FBXO42: variants seen among roughly 807,000 people sequenced by gnomAD.
The protein encoded by FBXO42 is F-box only protein 42.
In FBXO42, 12 loss-of-function variants were observed where a neutral mutation model predicts 71.7. That is an observed-to-expected ratio of 0.17 (90% CI 0.11 to 0.27). The LOEUF (loss-of-function observed/expected upper bound fraction) is 0.27. Among genes scored for constraint, FBXO42 ranks in the 10% least tolerant of loss-of-function variants. FBXO42 has a pLI of 1.00. For missense variants in FBXO42, 707 were observed against 911.9 expected, an observed-to-expected ratio of 0.78 and a Z score of 2.89; for synonymous variants, 325 against 327.5, an observed-to-expected ratio of 0.99 and a Z score of 0.08.
chr1:16,311,431 T>A (rs1294865839), intron 2 of FBXO42, among the ~76,000 whole-genome samples: 1 of 145,078 alleles, frequency 6.9e-6, no homozygotes, highest in Non-Finnish European at 1.5e-5. Flanking sequence ...AAGGCCGCAA[T>A]GAGCTATGAC....
At chr1:16,345,152 G>A (rs904695593) in intron 1 of FBXO42, among the ~76,000 whole-genome samples, 25 of 151,826 alleles carry the variant, frequency 1.6e-4, no homozygotes, top group African/African-American at 2.7e-4. Context: ...AGCCAGGCGC[G>A]GCAGCTCACG....
At chr1:16,312,184 C>T (rs912646270) in intron 2 of FBXO42, among the ~76,000 whole-genome samples, 18 of 152,038 alleles carry the variant, frequency 1.2e-4, no homozygotes, top group African/African-American at 4.3e-4. Flanking sequence ...CAGCAAGATC[C>T]TGTCTCTATA....
At position 16,293,954 on chromosome 1, in the gene FBXO42, T is replaced by C. The variant is rs889072238; in HGVS notation, c.502+829A>G. ...CTTTCTAATATACAATGATGCCTCC[T>C]ATCTGGTAATCAAAGTAGTAAGGCA... On this transcript the variant is annotated intron_variant, in intron 4 of 9. Transcript: ENST00000375592. 1.7e-4 allele frequency: 26 copies of C among 152,204 alleles called. 1 individual carries two copies. Among genetic ancestry groups the C allele is most frequent in the Non-Finnish European group, 1.5e-5 (1 of 68,050 alleles). The allele number at this position is 152,204 out of a possible 1,614,324, so 9.4% of individuals were successfully genotyped here.
intron 3 of FBXO42, among the ~76,000 whole-genome samples, chr1:16,296,026 C>T (rs2082125501): frequency 6.6e-6 from 1 of 152,122 alleles, no homozygotes; most frequent in Admixed American, 6.6e-5. Context: ...ACCAGGCATT[C>T]CTAAGAAAAA....
rs1553153850 is a variant in FBXO42 at position 16,313,320 on chromosome 1, AAAAC to A, written c.250+1845_250+1848del. 8.1e-3 allele frequency among the ~76,000 whole-genome samples: 888 copies of A among 110,222 alleles called. 11 individuals are homozygous for A. Among genetic ancestry groups the A allele is most frequent in the African/African-American group, 0.033 (844 of 25,652 alleles). 72.3% of individuals were successfully genotyped at this position (110,222 alleles called of 152,430 possible). A position where few individuals can be genotyped will look rare whatever the true frequency, so the allele number is the denominator to read the frequency against. On this transcript the variant is annotated intron_variant, in intron 2 of 9. Coordinates refer to ENST00000375592, the MANE Select transcript of FBXO42 (RefSeq NM_018994.3). Reference sequence around the variant, plus strand: ...AGAGAGAAAGAAAGAAAGAGAAAAGAAAACAAAGAAAGAAAGAAAGAAAGAAAGA... The same window carrying A: ...AGAGAGAAAGAAAGAAAGAGAAAAGAAAAGAAAGAAAGAAAGAAAGAAAGA...
intron 2 of FBXO42, among the ~76,000 whole-genome samples, chr1:16,313,847 G>A (rs2082339132): frequency 6.6e-6 from 1 of 151,988 alleles, no homozygotes; most frequent in Admixed American, 6.6e-5. Flanking sequence ...ACAAAAAATG[G>A]GCCCTTTCCA....
chr1:16,303,431 G>A (rs1389453847), intron 3 of FBXO42, among the ~76,000 whole-genome samples: 2 of 152,200 alleles, frequency 1.3e-5, no homozygotes, highest in Non-Finnish European at 2.9e-5. Context: ...AGTGATGACA[G>A]TAAGCAATGA....
At position 16,251,828 on chromosome 1, in the gene FBXO42, G is replaced by T. The variant is rs1304505462; in HGVS notation, c.1039-43C>A. 10 of 1,562,936 alleles carry T rather than the reference G, an allele frequency of 6.4e-6. No individual in the cohort carries two copies. The African/African-American group carries it at 1.2e-4, about 19-fold the overall frequency. On this transcript the variant is annotated intron_variant, in intron 9 of 9. Coordinates refer to ENST00000375592, the MANE Select transcript of FBXO42 (RefSeq NM_018994.3). This position sits in a 1 kb window ranked among gnomAD's most constrained non-coding sequence, Gnocchi z 4.5. ...AGTGCTCACACTCTTCTATGATTCTGATTGTTCATTCAACTGTCAAACATT... is the reference window on the plus strand; with the variant it reads ...AGTGCTCACACTCTTCTATGATTCTTATTGTTCATTCAACTGTCAAACATT...
intron 4 of FBXO42, among the ~76,000 whole-genome samples, chr1:16,266,248 T>G (rs1447655278): frequency 2.1e-5 from 3 of 145,728 alleles, no homozygotes. Flanking sequence ...TAGGATATAT[T>G]TAACTTATTA....
At chr1:16,296,892 T>C (rs1486759359) in intron 3 of FBXO42, among the ~76,000 whole-genome samples, 1 of 151,018 alleles carries the variant, frequency 6.6e-6, no homozygotes, top group Non-Finnish European at 1.5e-5. Context: ...ATACACACTA[T>C]ACTAGCTCTG....
At chr1:16,255,651 C>T in intron 6 of FBXO42, 60 bp downstream of exon 6, 1 of 1,424,472 alleles carries the variant, frequency 7.0e-7, no homozygotes, top group Non-Finnish European at 9.7e-7. Context: ...CACTTTTAAA[C>T]CTGTTATTCC....
intron 1 of FBXO42, among the ~76,000 whole-genome samples, chr1:16,350,753 A>AGACAAGAAAGACAAGAAAGAAAGACAAG (rs1553156680): frequency 3.5e-5 from 1 of 28,872 alleles, no homozygotes; most frequent in Non-Finnish European, 6.3e-5. Context: ...CAAAAAAAAA[A>AGACAAGAAAGACAAGAAAGAAAGACAAG]AAAAAAAGAA....
intron 4 of FBXO42, among the ~76,000 whole-genome samples, chr1:16,280,116 G>T (rs1002659805): frequency 5.3e-5 from 8 of 152,134 alleles, no homozygotes; most frequent in African/African-American, 1.9e-4. Flanking sequence ...CCAAAGTGCT[G>T]GGATTATAGG....
intron 1 of FBXO42, among the ~76,000 whole-genome samples, chr1:16,343,896 T>C (rs1271569951): frequency 2.0e-5 from 3 of 151,338 alleles, no homozygotes; most frequent in African/African-American, 7.3e-5. Flanking sequence ...GGAGGATCGC[T>C]TGAGCCAGGA....
At chr1:16,275,815 C>T (rs2081894224) in intron 4 of FBXO42, among the ~76,000 whole-genome samples, 1 of 151,844 alleles carries the variant, frequency 6.6e-6, no homozygotes, top group Non-Finnish European at 1.5e-5. Context: ...TGGAGACCAG[C>T]CTGGCCAACA....
intron 1 of FBXO42, among the ~76,000 whole-genome samples, chr1:16,350,388 T>C (rs1450509198): frequency 6.6e-6 from 1 of 151,612 alleles, no homozygotes; most frequent in African/African-American, 2.4e-5. Context: ...CTGGTTCAGA[T>C]TTACATCTTT....
At chr1:16,287,514 A>G (rs977276953) in intron 4 of FBXO42, among the ~76,000 whole-genome samples, 1 of 152,232 alleles carries the variant, frequency 6.6e-6, no homozygotes, top group Non-Finnish European at 1.5e-5. Flanking sequence ...CAGGGGGGCA[A>G]TCCATGAATA....
intron 1 of FBXO42, among the ~76,000 whole-genome samples, chr1:16,344,296 T>C (rs2082635022): frequency 6.6e-6 from 1 of 150,860 alleles, no homozygotes; most frequent in African/African-American, 2.4e-5. Context: ...TCAGGTATTT[T>C]ATTAGTAGTA....
At chr1:16,285,958 C>T (rs2082017713) in intron 4 of FBXO42, among the ~76,000 whole-genome samples, 1 of 152,156 alleles carries the variant, frequency 6.6e-6, no homozygotes, top group Non-Finnish European at 1.5e-5. Context: ...GCCTCAACCT[C>T]CTGGACTCAG....
Sources: allele counts gnomAD v4.1 joint callset (sites outside exome capture counted in the v4.1 genomes callset), GRCh38; gene constraint gnomAD v4.1.1; non-coding constraint Gnocchi (gnomAD v3.1); transcripts MANE v1.5; gene names NCBI Gene and HGNC (gene_info 2026-07-23, HGNC 2026-07-21).